The following GGPS1 variants were observed in gnomAD, a reference collection of about 807,000 sequenced individuals.
GGPS1 encodes geranylgeranyl pyrophosphate synthase.
In GGPS1, 15 loss-of-function variants were observed where a neutral mutation model predicts 28.1. The observed-to-expected ratio is 0.53, with a 90% CI of 0.36 to 0.82. The LOEUF is 0.82. GGPS1 is among the 40% of genes least tolerant of loss of function. The pLI, the probability that GGPS1 is intolerant of heterozygous loss-of-function variation, is 0.01. For synonymous variants in GGPS1, 138 were observed against 122.4 expected (o/e 1.13, Z -0.84); for missense variants, 284 against 348.3 (o/e 0.82, Z 1.47).
intron 1 of GGPS1, among the ~76,000 whole-genome samples, chr1:235,330,991 CA>C (rs1675697015): frequency 6.6e-6 from 1 of 152,206 alleles, no homozygotes; most frequent in South Asian, 2.1e-4. Context: ...TCCTGTTTTG[CA>C]TCTTCTTTTC....
At chr1:235,332,188 A>G (rs927704035) in intron 1 of GGPS1, among the ~76,000 whole-genome samples, 3 of 152,172 alleles carry the variant, frequency 2.0e-5, no homozygotes, top group Admixed American at 2.0e-4. Context: ...ATCACGTTGT[A>G]CCCATTAAGT....
chr1:235,332,452 T>G (rs1017574346), intron 1 of GGPS1, among the ~76,000 whole-genome samples: 5 of 152,226 alleles, frequency 3.3e-5, no homozygotes, highest in African/African-American at 1.2e-4. Context: ...CACATTTTCT[T>G]TATTCAGTCA....
At chr1:235,337,731 C>CA (rs1212442363) in intron 2 of GGPS1, among the ~76,000 whole-genome samples, 1 of 151,376 alleles carries the variant, frequency 6.6e-6, no homozygotes, top group Non-Finnish European at 1.5e-5. Context: ...GCACGGGAGT[C>CA]ACAGGAGCCT....
At chr1:235,335,054 A>C (rs1042635856) in intron 1 of GGPS1, among the ~76,000 whole-genome samples, 188 bp from the exon 2 acceptor site, 1 of 152,120 alleles carries the variant, frequency 6.6e-6, no homozygotes, top group Non-Finnish European at 1.5e-5. Context: ...GGCTTAAGCT[A>C]TCCGCCCGCC....
Position 235,341,659 on chromosome 1 carries a change from CATAATT to C in GGPS1, c.71-47_71-42del, listed in dbSNP as rs112304451. 2.2e-3 allele frequency: 2,249 copies of C among 1,009,372 alleles called. 36 individuals carry two copies. The African/African-American group carries it at 0.031, about 14-fold the overall frequency. The allele number at this position is 1,009,372 out of a possible 1,614,324, so 62.5% of individuals were successfully genotyped here. A position where few individuals can be genotyped will look rare whatever the true frequency, so the allele number is the denominator to read the frequency against. Reference sequence around the variant, plus strand: ...ATGTGTTTTTTGTAGTTAAAATACTCATAATTAAAACACTTATCACATTGTCACATT... The same window carrying C: ...ATGTGTTTTTTGTAGTTAAAATACTCAAAACACTTATCACATTGTCACATT... On this transcript the variant is annotated intron_variant, in intron 2 of 3. Coordinates refer to ENST00000282841, the MANE Select transcript of GGPS1 (RefSeq NM_004837.4).
upstream of GGPS1, chr1:235,328,409 G>A (rs1176646664): frequency 6.6e-6 from 1 of 152,280 alleles, no homozygotes; most frequent in Non-Finnish European, 1.5e-5. Context: ...AAGGCTTTCT[G>A]GGAAATAAAG....
At chr1:235,333,579 A>C (rs1025856600) in intron 1 of GGPS1, among the ~76,000 whole-genome samples, 1 of 151,756 alleles carries the variant, frequency 6.6e-6, no homozygotes, top group African/African-American at 2.4e-5. Context: ...AAAAAAAAAA[A>C]CAAAAGGACC....
At chr1:235,340,763 AAAG>A (rs1676018433) in intron 2 of GGPS1, among the ~76,000 whole-genome samples, 1 of 149,950 alleles carries the variant, frequency 6.7e-6, no homozygotes, top group East Asian at 1.9e-4. Flanking sequence ...AAAAAACAAG[AAAG>A]AAAAAAAGAA....
chr1:235,339,417 G>C (rs747799311), intron 2 of GGPS1, among the ~76,000 whole-genome samples: 1 of 151,948 alleles, frequency 6.6e-6, no homozygotes, highest in African/African-American at 2.4e-5. Flanking sequence ...GTGGTGAGCC[G>C]AGCCAAGATC....
chr1:235,332,438 A>AT (rs5781827), intron 1 of GGPS1, among the ~76,000 whole-genome samples: 21,085 of 152,254 alleles, frequency 0.14, 2,362 homozygotes, highest in East Asian at 0.59. Flanking sequence ...CGTTGTATAT[A>AT]TACCACATTT....
chr1:235,342,417 T>G lies in GGPS1; in HGVS notation c.548T>G (p.Phe183Cys), dbSNP rs1676077995. Reference protein sequence around the residue: ...LKPLLNTLGLFFQIRDDYANL... With the variant: ...LKPLLNTLGLCFQIRDDYANL... The stretch of plus-strand genomic sequence containing the variant: ...CCGCTACTTAATACACTTGGGCTCT[T>G]TTTCCAAATTAGGGATGATTATGCT... Residue 183 changes from phenylalanine (F) to cysteine (C), a missense_variant, in exon 4 of 4, where the codon TTT becomes TGT. Phe to Cys is a radical substitution (Grantham distance 205). Coordinates refer to ENST00000282841, the MANE Select transcript of GGPS1 (RefSeq NM_004837.4). The G allele has an allele frequency of 2.5e-6, 4 of 1,613,762 alleles. No individual in the cohort carries two copies. Among genetic ancestry groups the G allele is most frequent in the Non-Finnish European group, 3.4e-6 (4 of 1,179,786 alleles).
chr1:235,339,960 T>G (rs1268257802), intron 2 of GGPS1, among the ~76,000 whole-genome samples: 1 of 151,838 alleles, frequency 6.6e-6, no homozygotes, highest in South Asian at 2.1e-4. Flanking sequence ...AGTGGTAACT[T>G]CTATCCAAAG....
At chr1:235,328,961 G>C (rs1349204504) in intron 1 of GGPS1, 183 bp downstream of exon 1, 1 of 152,722 alleles carries the variant, frequency 6.5e-6, no homozygotes, top group East Asian at 1.9e-4. Flanking sequence ...GCCAAGTGGG[G>C]CGGAAGGGAG....
In GGPS1 at chr1:235,342,382, A is replaced by G. The variant is rs753478069; in HGVS notation, c.513A>G (p.Glu171=). Residue 171 remains glutamate (E), a synonymous_variant, in exon 4 of 4, where the codon GAA becomes GAG. Coordinates refer to ENST00000282841, the MANE Select transcript of GGPS1 (RefSeq NM_004837.4). ...GLMQLFSDYK[E]DLKPLLNTLG... The stretch of plus-strand genomic sequence containing the variant: ...TGCAGTTGTTCTCTGATTACAAAGA[A>G]GATTTAAAACCGCTACTTAATACAC... 1.2e-6 allele frequency: 2 copies of G among 1,614,058 alleles called. No homozygotes were observed. The highest frequency in any genetic ancestry group is 1.7e-6 in the Non-Finnish European group (2 of 1,179,982).
chr1:235,342,727 C>G lies in GGPS1; in HGVS notation c.858C>G (p.Ala286=). 6.3e-7 allele frequency: 1 copy of G among 1,599,776 alleles called. No individual in the cohort carries two copies. Among genetic ancestry groups the G allele is most frequent in the Non-Finnish European group, 8.5e-7 (1 of 1,174,454 alleles). The change falls in exon 4 of 4, where the codon GCC becomes GCG. Residue 286 remains alanine, a synonymous_variant. Coordinates refer to ENST00000282841, the MANE Select transcript of GGPS1 (RefSeq NM_004837.4). The stretch of plus-strand genomic sequence containing the variant: ...GTGGTGGGAACCCTGAGCTAGTAGC[C>G]TTAGTAAAACACTTAAGTAAGATGT... ...DARGGNPELV[A]LVKHLSKMFK... is the part of the protein sequence containing the mutation.
chr1:235,335,172 A>G lies in GGPS1; in HGVS notation c.-23-70A>G, dbSNP rs1229413970. 5 of 708,184 alleles carry G rather than the reference A, an allele frequency of 7.1e-6. No individual in the cohort carries two copies. The Admixed American group carries it at 9.7e-5, about 14-fold the overall frequency. 43.9% of individuals were successfully genotyped at this position (708,184 alleles called of 1,614,324 possible). A position where few individuals can be genotyped will look rare whatever the true frequency, so the allele number is the denominator to read the frequency against. On this transcript the variant is annotated intron_variant, in intron 1 of 3. Transcript: ENST00000282841. ...CTTTTCACAAACACCCTGCAATACA[A>G]ATTCCTTTGCAGTTTGACACTGAAA...
chr1:235,332,835 A>C (rs558794991), intron 1 of GGPS1, among the ~76,000 whole-genome samples: 2 of 152,250 alleles, frequency 1.3e-5, no homozygotes, highest in South Asian at 4.1e-4. Flanking sequence ...GATGACTTTT[A>C]TTACTTAACA....
intron 1 of GGPS1, chr1:235,329,776 A>G (rs1281119023): frequency 6.6e-6 from 1 of 152,242 alleles, no homozygotes; most frequent in Non-Finnish European, 1.5e-5. Context: ...CTCCGATTGG[A>G]ATGTCATCCC....
chr1:235,335,901 C>T (rs1289831719), intron 2 of GGPS1, among the ~76,000 whole-genome samples: 2 of 152,142 alleles, frequency 1.3e-5, no homozygotes, highest in Non-Finnish European at 2.9e-5. Context: ...CCTTCTATGT[C>T]TGTATTTTCC....
Sources: allele counts gnomAD v4.1 joint callset (sites outside exome capture counted in the v4.1 genomes callset), GRCh38; gene constraint gnomAD v4.1.1; transcripts MANE v1.5; gene names NCBI Gene and HGNC (gene_info 2026-07-23, HGNC 2026-07-21).